The following MDFI variants were observed in gnomAD, a reference collection of about 807,000 sequenced individuals.
MDFI encodes the protein MyoD family inhibitor.
MDFI carries 16 observed loss-of-function variants against 22.3 expected under a neutral mutation model. That is an observed-to-expected ratio of 0.72 (90% confidence interval 0.49 to 1.09). MDFI has a LOEUF of 1.09. Among genes scored for constraint, MDFI ranks in the 50% least tolerant of loss-of-function variants. The pLI is 0.00. For synonymous variants in MDFI, 145 were observed against 142.7 expected (o/e 1.02, Z -0.12); for missense variants, 314 against 326.1 (o/e 0.96, Z 0.29).
At chr6:41,639,968 A>G (rs1006750016) in intron 2 of MDFI, 8 of 969,260 alleles carry the variant, frequency 8.3e-6, no homozygotes, top group Non-Finnish European at 9.8e-6. Context: ...AACCAGAGTG[A>G]GGACAAGTGG....
At chr6:41,649,312 G>A (rs1768170543) in intron 3 of MDFI, among the ~76,000 whole-genome samples, 1 of 152,238 alleles carries the variant, frequency 6.6e-6, no homozygotes, top group Admixed American at 6.5e-5. Context: ...ACAAGAGCAG[G>A]AGAATGGACT....
At chr6:41,639,978 G>A in intron 2 of MDFI, 1 of 956,584 alleles carries the variant, frequency 1.0e-6, no homozygotes, top group South Asian at 4.8e-5. Flanking sequence ...AGGACAAGTG[G>A]AAGATGTCTG....
chr6:41,652,548 C>G (rs1000655246), intron 4 of MDFI, among the ~76,000 whole-genome samples: 1 of 150,546 alleles, frequency 6.6e-6, no homozygotes, highest in African/African-American at 2.4e-5. Flanking sequence ...TCGAAGGTGT[C>G]CAGGTGAGAG....
chr6:41,650,269 G>A (rs1223506351), intron 4 of MDFI, among the ~76,000 whole-genome samples: 1 of 152,192 alleles, frequency 6.6e-6, no homozygotes, highest in African/African-American at 2.4e-5. Context: ...TGGTGCCAGG[G>A]CAGGGCTGCA....
intron 4 of MDFI, among the ~76,000 whole-genome samples, chr6:41,652,494 G>A (rs1338881538): frequency 6.6e-6 from 1 of 152,160 alleles, no homozygotes; most frequent in African/African-American, 2.4e-5. Flanking sequence ...GTGGAGTGGA[G>A]ATGCCAGGTG....
At chr6:41,650,850 C>T (rs992506124) in intron 4 of MDFI, among the ~76,000 whole-genome samples, 2 of 151,898 alleles carry the variant, frequency 1.3e-5, no homozygotes, top group African/African-American at 2.4e-5. Context: ...CTGGGATTAC[C>T]GGCGTGAGCC....
Position 41,653,412 on chromosome 6 carries a change from G to A in MDFI, c.578G>A (p.Ser193Asn), listed in dbSNP as rs372787849. ...GACTGCGCCACCTGTGGCTCCTGCA[G>A]CTCGGAGGACTCGTGCCTCTGCTGC... ...VLDCATCGSCSSEDSCLCCCC... is the reference protein window; with the variant it reads ...VLDCATCGSCNSEDSCLCCCC... The change falls in exon 5 of 5, where the codon AGC becomes AAC. Residue 193 changes from serine to asparagine, a missense_variant. Physicochemically the swap from Ser to Asn is conservative, Grantham distance 46. Transcript: ENST00000230321. The surrounding 1 kb of genome is among the most constrained non-coding windows in gnomAD (Gnocchi z 4.2). The A allele has an allele frequency of 1.1e-5, 17 of 1,609,614 alleles. No individual in the cohort carries two copies. Among genetic ancestry groups the A allele is most frequent in the Non-Finnish European group, 1.4e-5 (17 of 1,180,000 alleles).
chr6:41,653,738 G>C lies in MDFI; in HGVS notation c.*163G>C. On this transcript the variant is annotated 3_prime_UTR_variant, in exon 5 of 5. Transcript: ENST00000230321. The surrounding 1 kb of genome is among the most constrained non-coding windows in gnomAD (Gnocchi z 4.2). ...TCTCAGAACCCCAGCCTTGAAAATAGTGGGGGGCACTCAGAGGGGCCACCT... is the reference window on the plus strand; with the variant it reads ...TCTCAGAACCCCAGCCTTGAAAATACTGGGGGGCACTCAGAGGGGCCACCT... 1 of 912,376 alleles carries C rather than the reference G, an allele frequency of 1.1e-6. No homozygotes were observed. Among genetic ancestry groups the C allele is most frequent in the South Asian group, 1.7e-5 (1 of 58,148 alleles). 56.5% of individuals were successfully genotyped at this position (912,376 alleles called of 1,614,324 possible).
intron 2 of MDFI, among the ~76,000 whole-genome samples, chr6:41,640,757 A>G (rs1767824153): frequency 6.6e-6 from 1 of 152,146 alleles, no homozygotes; most frequent in Non-Finnish European, 1.5e-5. Context: ...AAGGGGACTC[A>G]GGGCAGATCT....
At chr6:41,652,683 G>C (rs1581846235) in intron 4 of MDFI, among the ~76,000 whole-genome samples, 1 of 135,570 alleles carries the variant, frequency 7.4e-6, no homozygotes, top group South Asian at 2.3e-4. Context: ...GTGTGATCTC[G>C]GCTCACTACT....
At position 41,638,733 on chromosome 6, in the gene MDFI, C is replaced by G; in HGVS notation, c.-11-6C>G. 1.3e-6 allele frequency: 2 copies of G among 1,557,600 alleles called. No individual in the cohort carries two copies. Among genetic ancestry groups the G allele is most frequent in the South Asian group, 2.4e-5 (2 of 84,972 alleles). On this transcript the variant is annotated splice_region_variant and splice_polypyrimidine_tract_variant and intron_variant, in intron 1 of 4. Coordinates refer to ENST00000230321, the MANE Select transcript of MDFI (RefSeq NM_005586.4). This position sits in a 1 kb window ranked among gnomAD's most constrained non-coding sequence, Gnocchi z 7.6. ...GGCGCCGCCCGCTGAGCCCTGTTTT[C>G]CGCAGGTCCGGGGCCGATGTACCAG...
At position 41,646,173 on chromosome 6, in the gene MDFI, A is replaced by G. The variant is rs775578911; in HGVS notation, c.124A>G (p.Thr42Ala). The G allele has an allele frequency of 5.1e-6, 8 of 1,582,264 alleles. No homozygotes were observed. The East Asian group carries it at 1.9e-4, about 38-fold the overall frequency. The change falls in exon 3 of 5, where the codon ACT (threonine) becomes GCT (alanine). Residue 42 changes from threonine (T) to alanine (A), a missense_variant. Physicochemically the swap from Thr to Ala is moderately conservative, Grantham distance 58. Transcript: ENST00000230321. ...TGGGCTGGAGGTAGTAACAGGATCCACTCACCCTGCGGAGGCAGCACCAGA... is the reference window on the plus strand; with the variant it reads ...TGGGCTGGAGGTAGTAACAGGATCCGCTCACCCTGCGGAGGCAGCACCAGA... ...LPGLEVVTGSTHPAEAAPEEG... is the reference protein window; with the variant it reads ...LPGLEVVTGSAHPAEAAPEEG...
chr6:41,648,782 G>A (rs1768150488), intron 3 of MDFI, among the ~76,000 whole-genome samples: 2 of 152,188 alleles, frequency 1.3e-5, no homozygotes, highest in Non-Finnish European at 2.9e-5. Flanking sequence ...TGAGCCAGCT[G>A]GTTCTCACCC....
At chr6:41,637,276 A>G (rs1055350263), upstream of MDFI, 7 of 151,910 alleles carry the variant, frequency 4.6e-5, no homozygotes, top group Non-Finnish European at 1.0e-4. This position sits in a 1 kb window ranked among gnomAD's most constrained non-coding sequence, Gnocchi z 6.8. Flanking sequence ...CGATAGCCGT[A>G]AGTAGCGACT....
chr6:41,646,711 T>C (rs563669690), intron 3 of MDFI, among the ~76,000 whole-genome samples: 2 of 152,244 alleles, frequency 1.3e-5, no homozygotes, highest in African/African-American at 4.8e-5. Flanking sequence ...AGGAACAAAA[T>C]TCAGCTCCAT....
intron 4 of MDFI, among the ~76,000 whole-genome samples, chr6:41,651,483 G>A (rs1768270228): frequency 7.8e-6 from 1 of 128,608 alleles, no homozygotes. Flanking sequence ...GTGGCTGGAG[G>A]GTGAACTGCC....
At chr6:41,645,327 A>C (rs559306976) in intron 2 of MDFI, among the ~76,000 whole-genome samples, 1 of 151,352 alleles carries the variant, frequency 6.6e-6, no homozygotes, top group Non-Finnish European at 1.5e-5. Context: ...CAGGCTGGGG[A>C]GCTGTGGGTT....
chr6:41,652,236 C>A (rs1344601467), intron 4 of MDFI, among the ~76,000 whole-genome samples: 1 of 152,188 alleles, frequency 6.6e-6, no homozygotes, highest in Non-Finnish European at 1.5e-5. Context: ...TTGTTCCAGG[C>A]AGAGGAATCA....
intron 4 of MDFI, among the ~76,000 whole-genome samples, chr6:41,651,449 G>T (rs191419985): frequency 6.7e-6 from 1 of 149,364 alleles, no homozygotes; most frequent in Non-Finnish European, 1.5e-5. Flanking sequence ...GAGAGCATGC[G>T]CACAGAGCTG....
Sources: gnomAD v4.1 joint callset for allele counts (sites outside exome capture counted in the v4.1 genomes callset) on GRCh38, gnomAD v4.1.1 for gene constraint, Gnocchi (gnomAD v3.1) non-coding constraint, MANE v1.5 for transcripts, NCBI Gene and HGNC (gene_info 2026-07-23, HGNC 2026-07-21) for gene names.